Variants in PTPRN2 observed in about 807,000 individuals in gnomAD.
PTPRN2 encodes the protein receptor-type tyrosine-protein phosphatase N2.
Under a neutral mutation model 118.8 loss-of-function variants are expected in PTPRN2, and 74 were observed. The ratio of observed to expected loss-of-function variants is 0.62; its 90% CI spans 0.52 to 0.76. The LOEUF (loss-of-function observed/expected upper bound fraction) is 0.76, where lower values mean the gene tolerates loss of function less well. Among genes scored for constraint, PTPRN2 ranks in the 30% least tolerant of loss-of-function variants. PTPRN2 has a pLI of 0.00. For missense variants in PTPRN2, 1,481 were observed against 1,394.4 expected, an observed-to-expected ratio of 1.06 and a Z score of -0.99; for synonymous variants, 641 against 608.0, an observed-to-expected ratio of 1.05 and a Z score of -0.80.
chr7:157,649,752 G>GACGC (rs1805500295), intron 14 of PTPRN2, among the ~76,000 whole-genome samples: 1 of 149,892 alleles, frequency 6.7e-6, no homozygotes. Context: ...GAACTCGGTG[G>GACGC]GTCAGACCCA....
At position 157,893,803 on chromosome 7, in the gene PTPRN2, G is replaced by A. The variant is rs1796945867; in HGVS notation, c.1788+4870C>T. Among the ~76,000 whole-genome samples, 1 of 152,216 alleles carries A rather than the reference G, an allele frequency of 6.6e-6. No individual in the cohort carries two copies. The highest frequency in any genetic ancestry group is 2.1e-4 in the South Asian group (1 of 4,834). On this transcript the variant is annotated intron_variant, in intron 12 of 22. Transcript: ENST00000389418. The surrounding 1 kb of genome is among the most constrained non-coding windows in gnomAD (Gnocchi z 4.0). ...CCAGGGCCCAGGTGAGTTCCCCACA[G>A]GAGACAGCACCGGCAGAAAGGAGGA...
At chr7:158,337,626 C>A (rs1805927956) in intron 2 of PTPRN2, among the ~76,000 whole-genome samples, 2 of 121,806 alleles carry the variant, frequency 1.6e-5, no homozygotes, top group African/African-American at 3.0e-5. Context: ...GAGGAGACAC[C>A]TGCAGACGTC....
intron 8 of PTPRN2, among the ~76,000 whole-genome samples, chr7:158,134,352 G>A (rs1818633475): frequency 6.6e-6 from 1 of 152,160 alleles, no homozygotes; most frequent in Non-Finnish European, 1.5e-5. Flanking sequence ...AGATTTTGTA[G>A]AGTTTGTGTA....
At chr7:157,877,594 T>C (rs1795856524) in intron 12 of PTPRN2, among the ~76,000 whole-genome samples, 1 of 152,104 alleles carries the variant, frequency 6.6e-6, no homozygotes, top group Admixed American at 6.5e-5. Context: ...CTCCCCTCCG[T>C]GCACCCCGCC....
At chr7:157,965,433 C>T (rs1801855084) in intron 11 of PTPRN2, among the ~76,000 whole-genome samples, 1 of 152,150 alleles carries the variant, frequency 6.6e-6, no homozygotes, top group Non-Finnish European at 1.5e-5. Context: ...ACTGAGCCTT[C>T]CCAACACCAT....
chr7:158,205,374 G>A, intron 3 of PTPRN2, 101 bp from the exon 4 acceptor site: 1 of 796,426 alleles, frequency 1.3e-6, no homozygotes, highest in Non-Finnish European at 2.1e-6. Context: ...TTAAGTTGAT[G>A]GTCCCATCAG....
rs192195852 is a variant in PTPRN2, at chr7:158,297,152, C to T, written c.277+19667G>A. 2.3e-3 allele frequency among the ~76,000 whole-genome samples: 354 copies of T among 152,376 alleles called. 1 individual carries two copies. The highest frequency in any genetic ancestry group is 8.1e-3 in the African/African-American group (338 of 41,598). ...CGGAGGGACCAGCACAGCACATATA[C>T]AGCTTCTGCCAATGGCTGGGCATAA... On this transcript the variant is annotated intron_variant, in intron 3 of 22. Transcript: ENST00000389418.
intron 10 of PTPRN2, among the ~76,000 whole-genome samples, chr7:158,103,091 C>A (rs1464362577): frequency 6.6e-6 from 1 of 152,196 alleles, no homozygotes; most frequent in Non-Finnish European, 1.5e-5. Context: ...ACAGCAGAAG[C>A]AGGCGTGAGC....
At chr7:157,965,742 C>A (rs1000217147) in intron 11 of PTPRN2, among the ~76,000 whole-genome samples, 1 of 152,316 alleles carries the variant, frequency 6.6e-6, no homozygotes, top group African/African-American at 2.4e-5. Flanking sequence ...GCCCCACACC[C>A]AACTCAACAT....
chr7:157,907,025 G>C (rs1797811061), intron 11 of PTPRN2, among the ~76,000 whole-genome samples: 1 of 152,222 alleles, frequency 6.6e-6, no homozygotes, highest in African/African-American at 2.4e-5. Context: ...CCTGACACCT[G>C]TTGGAAAGGT....
At chr7:158,419,706 G>A (rs182485756) in intron 2 of PTPRN2, among the ~76,000 whole-genome samples, 6 of 152,270 alleles carry the variant, frequency 3.9e-5, no homozygotes, top group African/African-American at 1.2e-4. Context: ...TCCAGCACTC[G>A]GTGTGGCCAG....
rs973888532 is a variant in PTPRN2 at position 158,273,454 on chromosome 7, G to A, written c.277+43365C>T. On this transcript the variant is annotated intron_variant, in intron 3 of 22. Coordinates refer to ENST00000389418, the MANE Select transcript of PTPRN2 (RefSeq NM_002847.5). The stretch of plus-strand genomic sequence containing the variant: ...GCCGCAGACAGACGCGGGAGGAGCC[G>A]CAGACGCAGGGGGAGCCGCAGGCAC... Among the ~76,000 whole-genome samples the A allele has an allele frequency of 7.3e-4, 69 of 93,936 alleles. 3 individuals are homozygous for A. Among genetic ancestry groups the A allele is most frequent in the African/African-American group, 2.7e-3 (52 of 19,344 alleles). 61.6% of individuals were successfully genotyped at this position (93,936 alleles called of 152,430 possible). A position where few individuals can be genotyped will look rare whatever the true frequency, so the allele number is the denominator to read the frequency against.
intron 11 of PTPRN2, among the ~76,000 whole-genome samples, chr7:157,999,809 C>T (rs1448121333): frequency 6.6e-6 from 1 of 152,034 alleles, no homozygotes; most frequent in Non-Finnish European, 1.5e-5. Flanking sequence ...TTCGCAGCTC[C>T]GACATACCAC....
chr7:158,515,264 G>A (rs921626893), intron 1 of PTPRN2, among the ~76,000 whole-genome samples: 6 of 150,670 alleles, frequency 4.0e-5, no homozygotes, highest in East Asian at 2.0e-4. Context: ...TCTGCTCACC[G>A]CAACCTCTGC....
At chr7:157,631,189 G>A (rs1199060964) in intron 14 of PTPRN2, among the ~76,000 whole-genome samples, 2 of 152,124 alleles carry the variant, frequency 1.3e-5, no homozygotes, top group Admixed American at 6.6e-5. Flanking sequence ...AAACTGTGGA[G>A]TAACAGAAAA....
intron 2 of PTPRN2, among the ~76,000 whole-genome samples, chr7:158,441,680 ATGGTGG>A (rs200943441): frequency 1.0e-5 from 1 of 97,274 alleles, no homozygotes; most frequent in African/African-American, 4.1e-5. Flanking sequence ...GTGATCAGTG[ATGGTGG>A]TGGTGATGGC....
In PTPRN2 at chr7:158,358,471, G is replaced by C. The variant is rs557805952; in HGVS notation, c.164-41539C>G. On this transcript the variant is annotated intron_variant, in intron 2 of 22. Transcript: ENST00000389418. ...GGTTTCATGAAAATTTACCAGACTT[G>C]AAAGCAATGACTCAAAGAAATACGT... Among the ~76,000 whole-genome samples the C allele has an allele frequency of 9.2e-5, 14 of 152,290 alleles. No individual in the cohort carries two copies. The South Asian group carries it at 2.9e-3, about 32-fold the overall frequency.
At chr7:158,228,561 C>G (rs759245728) in intron 3 of PTPRN2, among the ~76,000 whole-genome samples, 1 of 151,932 alleles carries the variant, frequency 6.6e-6, no homozygotes, top group African/African-American at 2.4e-5. Context: ...GAAGCAAAAA[C>G]ACACACAGCA....
chr7:158,075,646 C>T (rs1328335976), intron 11 of PTPRN2, among the ~76,000 whole-genome samples: 1 of 152,358 alleles, frequency 6.6e-6, no homozygotes, highest in South Asian at 2.1e-4. Context: ...TTTTTAGTTA[C>T]TCCTCATCGT....
Sources: gnomAD v4.1 joint callset for allele counts (sites outside exome capture counted in the v4.1 genomes callset) on GRCh38, gnomAD v4.1.1 for gene constraint, Gnocchi (gnomAD v3.1) non-coding constraint, MANE v1.5 for transcripts, NCBI Gene and HGNC (gene_info 2026-07-23, HGNC 2026-07-21) for gene names.